Variants in PPAT observed in about 807,000 individuals in gnomAD.
PPAT encodes the protein amidophosphoribosyltransferase.
PPAT carries 20 observed loss-of-function variants against 60.2 expected under a neutral mutation model. The ratio of observed to expected loss-of-function variants is 0.33; its 90% CI spans 0.23 to 0.48. The LOEUF is 0.48. Among genes scored for constraint, PPAT ranks in the 20% least tolerant of loss-of-function variants. The pLI is 0.99. For synonymous variants in PPAT, 194 were observed against 215.1 expected, an observed-to-expected ratio of 0.90 and a Z score of 0.86; for missense variants, 349 against 629.6, an observed-to-expected ratio of 0.55 and a Z score of 4.77.
intron 1 of PPAT, among the ~76,000 whole-genome samples, chr4:56,426,187 G>C (rs1349592188): frequency 1.3e-5 from 2 of 152,158 alleles, no homozygotes; most frequent in Non-Finnish European, 2.9e-5. Flanking sequence ...CAGAACACGA[G>C]GTCAAGAGAT....
At chr4:56,411,953 C>A (rs561210357) in intron 1 of PPAT, among the ~76,000 whole-genome samples, 65 of 152,254 alleles carry the variant, frequency 4.3e-4, no homozygotes, top group African/African-American at 1.4e-3. Context: ...TGAGATGACA[C>A]CAAATTCTGA....
At chr4:56,398,294 C>CCAGAAG (rs1220926544) in intron 9 of PPAT, among the ~76,000 whole-genome samples, 2 of 151,826 alleles carry the variant, frequency 1.3e-5, no homozygotes, top group East Asian at 3.9e-4. Context: ...TGCTTGAGCC[C>CCAGAAG]CAGAAGCAGA....
chr4:56,413,705 G>A (rs1312316450), intron 1 of PPAT, among the ~76,000 whole-genome samples: 1 of 151,674 alleles, frequency 6.6e-6, no homozygotes, highest in Non-Finnish European at 1.5e-5. Flanking sequence ...AGACCAGCCT[G>A]ACCAACATGG....
intron 1 of PPAT, chr4:56,408,035 T>A: frequency 2.3e-5 from 5 of 220,822 alleles, no homozygotes; most frequent in Non-Finnish European, 1.8e-5. Flanking sequence ...TTGAGAGAGA[T>A]ATGACTGTGA....
intron 5 of PPAT, among the ~76,000 whole-genome samples, 190 bp downstream of exon 5, chr4:56,402,850 G>GAAAAAAAAAAAAAAAA (rs1177644230): frequency 2.4e-5 from 1 of 41,146 alleles, no homozygotes; most frequent in African/African-American, 9.8e-5. Context: ...AAAAAAAAAG[G>GAAAAAAAAAAAAAAAA]GGGGGGACTC....
intron 1 of PPAT, among the ~76,000 whole-genome samples, chr4:56,410,002 T>A (rs1202074040): frequency 6.6e-6 from 1 of 152,202 alleles, no homozygotes; most frequent in East Asian, 1.9e-4. Flanking sequence ...TGAAAATAGA[T>A]ATGCATAATA....
chr4:56,401,570 C>A, intron 6 of PPAT, 89 bp from the exon 7 acceptor site: 4 of 1,178,816 alleles, frequency 3.4e-6, no homozygotes, highest in Non-Finnish European at 4.8e-6. Context: ...CACAGAGTAC[C>A]TTCCCTTAGA....
At chr4:56,423,048 G>A (rs1717122513) in intron 1 of PPAT, 1 of 152,168 alleles carries the variant, frequency 6.6e-6, no homozygotes, top group Non-Finnish European at 1.5e-5. Flanking sequence ...TTTTGTGCTT[G>A]CTACCTGATA....
chr4:56,423,003 C>T (rs1438306983), intron 1 of PPAT: 1 of 152,140 alleles, frequency 6.6e-6, no homozygotes, highest in Non-Finnish European at 1.5e-5. Flanking sequence ...AATCATTACC[C>T]TCTGGTATAG....
intron 1 of PPAT, among the ~76,000 whole-genome samples, chr4:56,434,273 T>C (rs1314593629): frequency 6.6e-6 from 1 of 152,180 alleles, no homozygotes; most frequent in African/African-American, 2.4e-5. Context: ...CAAAAAATAC[T>C]TCTAATTTAA....
rs552118802 is a variant in PPAT, at chr4:56,431,103, TTAAAA to T, written c.128+4242_128+4246del. The stretch of plus-strand genomic sequence containing the variant: ...AGACTGGAACAATTTGCAAGGACAC[TTAAAA>T]TAAGTCACTCCCTCAAACCAAAATT... On this transcript the variant is annotated intron_variant, in intron 1 of 10. Transcript: ENST00000264220. Among the ~76,000 whole-genome samples the T allele has an allele frequency of 7.8e-3, 1,189 of 152,270 alleles. 9 individuals carry two copies. Among genetic ancestry groups the T allele is most frequent in the Middle Eastern group, 0.017 (5 of 294 alleles).
At chr4:56,427,940 A>T (rs1717379812) in intron 1 of PPAT, among the ~76,000 whole-genome samples, 1 of 152,212 alleles carries the variant, frequency 6.6e-6, no homozygotes, top group African/African-American at 2.4e-5. Flanking sequence ...AAAGAAGGAA[A>T]ATGTCTATGC....
chr4:56,399,102 C>T, intron 9 of PPAT, 77 bp downstream of exon 9: 1 of 1,264,258 alleles, frequency 7.9e-7, no homozygotes, highest in Non-Finnish European at 1.1e-6. Flanking sequence ...CATTTTGATT[C>T]ACTACCCTGA....
At chr4:56,404,744 T>C (rs547170120) in intron 3 of PPAT, among the ~76,000 whole-genome samples, 1 of 152,312 alleles carries the variant, frequency 6.6e-6, no homozygotes, top group African/African-American at 2.4e-5. Context: ...AATAAGGTCA[T>C]TATAATGCCT....
chr4:56,422,930 G>A (rs1230855360), intron 1 of PPAT: 1 of 149,404 alleles, frequency 6.7e-6, no homozygotes, highest in Non-Finnish European at 1.5e-5. Context: ...AAACTCTGGT[G>A]TTGGGGCCTA....
intron 1 of PPAT, among the ~76,000 whole-genome samples, chr4:56,435,020 G>A (rs554054205): frequency 6.6e-6 from 1 of 152,332 alleles, no homozygotes; most frequent in South Asian, 2.1e-4. Context: ...TGCAGTCGGG[G>A]AGGAGCCCTG....
intron 9 of PPAT, among the ~76,000 whole-genome samples, chr4:56,398,197 C>T (rs150072359): frequency 0.01 from 1,550 of 152,074 alleles, 23 homozygotes; most frequent in African/African-American, 0.036. Context: ...GGTGAAACCC[C>T]GTCTCTGCTA....
At chr4:56,401,564 G>T in intron 6 of PPAT, 83 bp from the exon 7 acceptor site, 1 of 1,229,288 alleles carries the variant, frequency 8.1e-7, no homozygotes, top group East Asian at 2.4e-5. Context: ...AAAGCACACA[G>T]AGTACCTTCC....
chr4:56,435,154 A>T (rs1481736853), intron 1 of PPAT, among the ~76,000 whole-genome samples, 196 bp downstream of exon 1: 1 of 152,220 alleles, frequency 6.6e-6, no homozygotes, highest in African/African-American at 2.4e-5. Context: ...GGTGGGCAGG[A>T]CAGGCTAAAG....
Sources: allele counts gnomAD v4.1 joint callset (sites outside exome capture counted in the v4.1 genomes callset), GRCh38; gene constraint gnomAD v4.1.1; transcripts MANE v1.5; gene names NCBI Gene and HGNC (gene_info 2026-07-23, HGNC 2026-07-21).